XRN1: variants seen among roughly 807,000 people sequenced by gnomAD.
XRN1 encodes the protein strand-exchange protein 1 homolog.
XRN1 carries 67 observed loss-of-function variants against 222.3 expected under a neutral mutation model. That is an observed-to-expected ratio of 0.30 (90% CI 0.25 to 0.37). XRN1 has a LOEUF of 0.37. Among genes scored for constraint, XRN1 ranks in the 10% least tolerant of loss-of-function variants. XRN1 has a pLI of 1.00. For synonymous variants in XRN1, 643 were observed against 652.4 expected (o/e 0.99, Z 0.22); for missense variants, 1,707 against 2,000.2 (o/e 0.85, Z 2.80).
rs765713290 is a variant in XRN1, at chr3:142,376,567, A to G, written c.2743T>C (p.Tyr915His). ...HKYSIKYNPGYVLASRLGVSG... is the reference protein window; with the variant it reads ...HKYSIKYNPGHVLASRLGVSG... ...ACTCCAAGGCGACTGGCCAACACAT[A>G]TCCTGGGTTGTACTTTATAGAATAT... Residue 915 changes from tyrosine (Y) to histidine (H), a missense_variant, in exon 24 of 41, where the codon TAT (tyrosine) becomes CAT (histidine). Transcript: ENST00000392981. The G allele has an allele frequency of 6.2e-7, 1 of 1,612,820 alleles. No homozygotes were observed. The highest frequency in any genetic ancestry group is 8.5e-7 in the Non-Finnish European group (1 of 1,179,170).
chr3:142,415,812 A>T (rs1419583368), intron 13 of XRN1, among the ~76,000 whole-genome samples: 1 of 152,212 alleles, frequency 6.6e-6, no homozygotes, highest in Non-Finnish European at 1.5e-5. Flanking sequence ...ACCAAACCAA[A>T]CAGAGTTGTG....
At chr3:142,359,737 T>A in intron 30 of XRN1, 125 bp downstream of exon 30, 1 of 612,460 alleles carries the variant, frequency 1.6e-6, no homozygotes, top group Non-Finnish European at 2.7e-6. Context: ...CAGTGTTACA[T>A]CCCTAGTAGC....
rs2068701542 is a variant in XRN1, at chr3:142,414,300, C to CAA, written c.1437-11_1437-10dup. The CAA allele has an allele frequency of 6.5e-7, 1 of 1,545,964 alleles. No individual in the cohort carries two copies. The highest frequency in any genetic ancestry group is 8.7e-7 in the Non-Finnish European group (1 of 1,145,256). On this transcript the variant is annotated splice_polypyrimidine_tract_variant and intron_variant, in intron 13 of 40. Transcript: ENST00000392981. ...AATGATAAGGATAATACCTATAAAA[C>CAA]AAAACTGAGTTTTAAACAAGTGGCA...
intron 32 of XRN1, among the ~76,000 whole-genome samples, chr3:142,353,088 A>T (rs1377914699): frequency 1.3e-5 from 2 of 152,194 alleles, no homozygotes; most frequent in Non-Finnish European, 2.9e-5. Context: ...CTACCAAGGA[A>T]TACATATTTG....
chr3:142,421,268 CTT>C, intron 9 of XRN1, 115 bp from the exon 10 acceptor site: 1 of 1,079,260 alleles, frequency 9.3e-7, no homozygotes. Flanking sequence ...GAATGTTACT[CTT>C]TTATATATAT....
chr3:142,380,581 TG>T (rs1377438398), intron 22 of XRN1, among the ~76,000 whole-genome samples: 1 of 152,122 alleles, frequency 6.6e-6, no homozygotes, highest in Non-Finnish European at 1.5e-5. Flanking sequence ...CTTGAACTCT[TG>T]GGCTCAAGTA....
intron 33 of XRN1, among the ~76,000 whole-genome samples, chr3:142,346,973 G>A (rs892702693): frequency 6.6e-6 from 1 of 152,168 alleles, no homozygotes; most frequent in Non-Finnish European, 1.5e-5. Context: ...ATCCATAGAG[G>A]CAGAAAGTAA....
At chr3:142,343,466 AG>A (rs2066055513) in intron 33 of XRN1, among the ~76,000 whole-genome samples, 1 of 141,406 alleles carries the variant, frequency 7.1e-6, no homozygotes, top group Non-Finnish European at 1.5e-5. Context: ...AAAAAAAAAA[AG>A]AAAAAAAGAA....
chr3:142,443,733 A>G (rs1451131392), intron 1 of XRN1, among the ~76,000 whole-genome samples: 1 of 152,264 alleles, frequency 6.6e-6, no homozygotes, highest in Non-Finnish European at 1.5e-5. Flanking sequence ...ATCTGTGTTA[A>G]TATAACCCAA....
In XRN1 at chr3:142,444,518, A is replaced by G. The variant is rs111232755; in HGVS notation, c.75+3352T>C. Reference sequence around the variant, plus strand: ...CAGCTACTTGGGTGGCTAAGGCACAAGACTTGCTTGAACCGGGGAGGCAGG... The same window carrying G: ...CAGCTACTTGGGTGGCTAAGGCACAGGACTTGCTTGAACCGGGGAGGCAGG... On this transcript the variant is annotated intron_variant, in intron 1 of 40. Coordinates refer to ENST00000392981, the MANE Select transcript of XRN1 (RefSeq NM_001282857.2). Among the ~76,000 whole-genome samples, 780 of 152,276 alleles carry G rather than the reference A, an allele frequency of 5.1e-3. 9 individuals carry two copies. The highest frequency in any genetic ancestry group is 0.018 in the African/African-American group (758 of 41,556).
intron 8 of XRN1, among the ~76,000 whole-genome samples, chr3:142,422,324 CA>C (rs1162992645): frequency 2.0e-5 from 3 of 151,830 alleles, no homozygotes; most frequent in Non-Finnish European, 4.4e-5. Context: ...GACCCCGTCT[CA>C]AAAAATAAAT....
At chr3:142,384,483 G>T in intron 21 of XRN1, 40 bp downstream of exon 21, 1 of 1,490,848 alleles carries the variant, frequency 6.7e-7, no homozygotes, top group Non-Finnish European at 9.2e-7. Flanking sequence ...TGTATTAATA[G>T]TGTATATTAA....
At chr3:142,362,592 C>T (rs550467062) in intron 29 of XRN1, among the ~76,000 whole-genome samples, 164 of 135,654 alleles carry the variant, frequency 1.2e-3, no homozygotes, top group South Asian at 2.8e-3. Context: ...CCCCTACCCC[C>T]GCCCCCACCC....
intron 39 of XRN1, among the ~76,000 whole-genome samples, chr3:142,316,951 C>T (rs1209526353): frequency 6.6e-6 from 1 of 152,010 alleles, no homozygotes; most frequent in African/African-American, 2.4e-5. Context: ...CTGAAAATAT[C>T]TTTGTGTCTC....
chr3:142,360,050 T>C (rs1376962682), intron 29 of XRN1, 119 bp from the exon 30 acceptor site: 1 of 575,132 alleles, frequency 1.7e-6, no homozygotes, highest in African/African-American at 1.9e-5. Flanking sequence ...ATATAAAATA[T>C]TCAGGATATG....
rs532638907 is a variant in XRN1 at position 142,374,479 on chromosome 3, A to G, written c.2978+1319T>C. Reference sequence around the variant, plus strand: ...AAAATGTGTACAAGAAATAAAATGTAATCTTAATACTCCATAAGGTCCAAC... The same window carrying G: ...AAAATGTGTACAAGAAATAAAATGTGATCTTAATACTCCATAAGGTCCAAC... On this transcript the variant is annotated intron_variant, in intron 25 of 40. Coordinates refer to ENST00000392981, the MANE Select transcript of XRN1 (RefSeq NM_001282857.2). Among the ~76,000 whole-genome samples, 4 of 152,372 alleles carry G rather than the reference A, an allele frequency of 2.6e-5. No individual in the cohort carries two copies. In the South Asian group the frequency reaches 8.3e-4, roughly 32 times the overall value.
At chr3:142,443,226 A>ACTGCAC (rs1450743852) in intron 1 of XRN1, among the ~76,000 whole-genome samples, 1 of 152,160 alleles carries the variant, frequency 6.6e-6, no homozygotes, top group Non-Finnish European at 1.5e-5. Flanking sequence ...GGAAATCTCA[A>ACTGCAC]CTGCACCACC....
chr3:142,376,345 CA>C, intron 24 of XRN1, 133 bp downstream of exon 24: 1 of 790,074 alleles, frequency 1.3e-6, no homozygotes, highest in South Asian at 1.7e-5. Context: ...AGATTACCAT[CA>C]GAGAAATTTA....
chr3:142,347,245 G>A lies in XRN1; in HGVS notation c.3866C>T (p.Pro1289Leu), dbSNP rs781162357. ...AATTTAAAACTTACATTTTCTGTGAGGGTCATGTTTTCTTTGCTGATATTT... is the reference window on the plus strand; with the variant it reads ...AATTTAAAACTTACATTTTCTGTGAAGGTCATGTTTTCTTTGCTGATATTT... ...SVKYQQRKHDPHRKFKEECKS... is the reference protein window; with the variant it reads ...SVKYQQRKHDLHRKFKEECKS... Residue 1289 changes from proline (P) to leucine (L), a missense_variant, in exon 33 of 41, where the codon CCT (proline) becomes CTT (leucine). This residue lies in a region of XRN1 where 473 missense variants were observed against 482.0 expected (regional missense o/e 0.98). Coordinates refer to ENST00000392981, the MANE Select transcript of XRN1 (RefSeq NM_001282857.2). 2 of 1,600,232 alleles carry A rather than the reference G, an allele frequency of 1.2e-6. No homozygotes were observed. The highest frequency in any genetic ancestry group is 1.1e-5 in the South Asian group (1 of 88,402).
Sources: gnomAD v4.1 joint callset for allele counts (sites outside exome capture counted in the v4.1 genomes callset) on GRCh38, gnomAD v4.1.1 for gene constraint, gnomAD v4.1.1 regional missense constraint, MANE v1.5 for transcripts, NCBI Gene and HGNC (gene_info 2026-07-23, HGNC 2026-07-21) for gene names.